Variants in SQOR observed in about 807,000 individuals in gnomAD.
SQOR encodes sulfide:quinone oxidoreductase, mitochondrial.
A neutral mutation model predicts 48.6 loss-of-function variants in SQOR; 39 were observed. The ratio of observed to expected loss-of-function variants is 0.80; its 90% CI spans 0.62 to 1.05. The LOEUF is 1.05. Among genes scored for constraint, SQOR ranks in the 50% least tolerant of loss-of-function variants. The pLI is 0.00. For synonymous variants in SQOR, 220 were observed against 206.2 expected (o/e 1.07, Z -0.57); for missense variants, 561 against 559.9 (o/e 1.00, Z -0.02).
chr15:45,668,478 G>A (rs904263219), intron 3 of SQOR, among the ~76,000 whole-genome samples: 5 of 152,202 alleles, frequency 3.3e-5, no homozygotes, highest in Non-Finnish European at 1.5e-5. Flanking sequence ...GGGAGAACAA[G>A]TGCTAGGAAG....
At chr15:45,643,498 A>T (rs1895142359) in intron 1 of SQOR, among the ~76,000 whole-genome samples, 1 of 152,162 alleles carries the variant, frequency 6.6e-6, no homozygotes, top group Non-Finnish European at 1.5e-5. Context: ...CCTGGCCTGG[A>T]AACATTCTTA....
At chr15:45,669,875 T>G in intron 3 of SQOR, 53 bp from the exon 4 acceptor site, 21 of 1,517,488 alleles carry the variant, frequency 1.4e-5, no homozygotes, top group Non-Finnish European at 1.5e-5. Flanking sequence ...AGTCAGTCCT[T>G]GAGTTGATGC....
chr15:45,685,609 C>T (rs563602529), intron 7 of SQOR, among the ~76,000 whole-genome samples: 5 of 152,282 alleles, frequency 3.3e-5, no homozygotes, highest in East Asian at 1.9e-4. Context: ...TAAGCCTGGA[C>T]GTTGAGTGAC....
chr15:45,636,406 CT>C (rs57826307), intron 1 of SQOR, among the ~76,000 whole-genome samples: 17,352 of 136,398 alleles, frequency 0.13, 1,024 homozygotes, highest in East Asian at 0.42. Context: ...TTTCTTTCTT[CT>C]TTTTTTTTTT....
intron 3 of SQOR, among the ~76,000 whole-genome samples, chr15:45,667,845 C>T (rs566926829): frequency 2.0e-5 from 3 of 152,028 alleles, no homozygotes; most frequent in African/African-American, 7.2e-5. Flanking sequence ...CCGGATTGCT[C>T]AACATGGTTT....
intron 1 of SQOR, among the ~76,000 whole-genome samples, chr15:45,647,251 A>AAAAAC (rs528565555): frequency 1.2e-3 from 179 of 152,210 alleles, no homozygotes; most frequent in African/African-American, 3.7e-3. Flanking sequence ...TCTGTTAGAA[A>AAAAAC]AAAACAAAAC....
intron 1 of SQOR, among the ~76,000 whole-genome samples, chr15:45,636,466 C>T (rs1234248587): frequency 4.0e-5 from 6 of 149,010 alleles, no homozygotes; most frequent in South Asian, 4.2e-4. Context: ...TGCAGTGGCG[C>T]GATCTCGGTT....
At chr15:45,666,038 T>C (rs955856564) in intron 3 of SQOR, among the ~76,000 whole-genome samples, 1 of 151,620 alleles carries the variant, frequency 6.6e-6, no homozygotes, top group African/African-American at 2.4e-5. Flanking sequence ...GACTGGTCCT[T>C]GCTCCTTCTC....
At position 45,648,471 on chromosome 15, in the gene SQOR, C is replaced by T. The variant is rs376147971; in HGVS notation, c.-17-10436C>T. Among the ~76,000 whole-genome samples, 10 of 152,316 alleles carry T rather than the reference C, an allele frequency of 6.6e-5. No individual in the cohort carries two copies. The East Asian group carries it at 1.7e-3, about 26-fold the overall frequency. ...GATTACAGGCGTGAGCCACCACACC[C>T]AGCCAGAATAGATTATTTTCCTACC... is the stretch of plus-strand genomic sequence containing the variant. On this transcript the variant is annotated intron_variant, in intron 1 of 9. Transcript: ENST00000260324.
At chr15:45,654,016 G>A (rs1595573911) in intron 1 of SQOR, among the ~76,000 whole-genome samples, 1 of 151,790 alleles carries the variant, frequency 6.6e-6, no homozygotes, top group Non-Finnish European at 1.5e-5. Flanking sequence ...CAGCTACTCA[G>A]GAGGCTGAAA....
intron 1 of SQOR, among the ~76,000 whole-genome samples, chr15:45,645,144 A>G (rs1198639978): frequency 6.6e-6 from 1 of 152,200 alleles, no homozygotes; most frequent in East Asian, 1.9e-4. Context: ...ATGCAGTGCC[A>G]TTGATATGTG....
At chr15:45,671,373 G>T (rs1375782332) in intron 4 of SQOR, among the ~76,000 whole-genome samples, 1 of 152,044 alleles carries the variant, frequency 6.6e-6, no homozygotes, top group Non-Finnish European at 1.5e-5. Context: ...GGTCAGGCTG[G>T]TCTCAAACTC....
intron 6 of SQOR, among the ~76,000 whole-genome samples, chr15:45,678,933 G>A (rs989213813): frequency 1.3e-5 from 2 of 152,140 alleles, no homozygotes; most frequent in Non-Finnish European, 1.5e-5. Context: ...GAGAGAGTCC[G>A]TTTGAGTGAG....
chr15:45,635,570 G>A (rs1340942612), intron 1 of SQOR, among the ~76,000 whole-genome samples: 1 of 152,174 alleles, frequency 6.6e-6, no homozygotes, highest in African/African-American at 2.4e-5. Flanking sequence ...GGCTGCAGCT[G>A]AAACCTGAAG....
chr15:45,663,165 G>A (rs780884950), intron 3 of SQOR, among the ~76,000 whole-genome samples: 14 of 152,050 alleles, frequency 9.2e-5, no homozygotes, highest in South Asian at 2.1e-4. Flanking sequence ...CTACAGGTGC[G>A]CATCACCATG....
chr15:45,680,946 C>T (rs1890116584), intron 6 of SQOR, among the ~76,000 whole-genome samples: 1 of 151,858 alleles, frequency 6.6e-6, no homozygotes, highest in Admixed American at 6.6e-5. Flanking sequence ...TGGTAGCTTG[C>T]ACCTGTAATC....
At chr15:45,687,682 G>T (rs1890247507) in intron 7 of SQOR, among the ~76,000 whole-genome samples, 2 of 152,132 alleles carry the variant, frequency 1.3e-5, no homozygotes, top group Admixed American at 1.3e-4. Context: ...CCCCATTCTT[G>T]CCAAAGAAAA....
intron 1 of SQOR, among the ~76,000 whole-genome samples, chr15:45,639,302 G>C (rs1310072075): frequency 6.6e-6 from 1 of 152,244 alleles, no homozygotes; most frequent in Non-Finnish European, 1.5e-5. Context: ...TTCAGCAAGT[G>C]ACCTAGGTTA....
At chr15:45,654,728 GA>G (rs573876013) in intron 1 of SQOR, among the ~76,000 whole-genome samples, 118 of 151,832 alleles carry the variant, frequency 7.8e-4, no homozygotes, top group African/African-American at 2.8e-3. Flanking sequence ...AAAAGAGAAA[GA>G]AAAACAACTC....
Sources: gnomAD v4.1 joint callset for allele counts (sites outside exome capture counted in the v4.1 genomes callset) on GRCh38, gnomAD v4.1.1 for gene constraint, MANE v1.5 for transcripts, NCBI Gene and HGNC (gene_info 2026-07-23, HGNC 2026-07-21) for gene names.